SUN5: variants seen among roughly 807,000 people sequenced by gnomAD.
The protein encoded by SUN5 is SUN domain-containing protein 5.
Under a neutral mutation model 53.7 loss-of-function variants are expected in SUN5, and 44 were observed. The observed-to-expected ratio is 0.82, with a 90% confidence interval of 0.64 to 1.05. SUN5 has a LOEUF of 1.05. SUN5 is among the 50% of genes least tolerant of loss of function. SUN5 has a pLI of 0.00. For missense variants in SUN5, 433 were observed against 483.8 expected (o/e 0.90, Z 0.98); for synonymous variants, 166 against 179.8 (o/e 0.92, Z 0.62).
chr20:32,985,053 C>T (rs1555874870), intron 12 of SUN5, 46 bp downstream of exon 12: 1 of 1,592,746 alleles, frequency 6.3e-7, no homozygotes, highest in Admixed American at 1.7e-5. Context: ...AGACTGCACA[C>T]TGTGCATTCA....
chr20:33,002,067 C>T (rs150451376), intron 3 of SUN5, among the ~76,000 whole-genome samples: 1 of 152,230 alleles, frequency 6.6e-6, no homozygotes, highest in East Asian at 1.9e-4. Context: ...TCCCAGAATG[C>T]CCACTATGGA....
intron 8 of SUN5, among the ~76,000 whole-genome samples, chr20:32,995,021 C>T (rs376384691): frequency 2.0e-5 from 3 of 151,954 alleles, no homozygotes; most frequent in African/African-American, 7.3e-5. Flanking sequence ...CAGGTAATAG[C>T]GTAGGAATCA....
intron 8 of SUN5, among the ~76,000 whole-genome samples, chr20:32,992,913 G>A (rs1271132054): frequency 6.6e-6 from 1 of 152,206 alleles, no homozygotes; most frequent in Non-Finnish European, 1.5e-5. Context: ...CCAATTGCTG[G>A]TGAGAATGTG....
intron 9 of SUN5, 36 bp downstream of exon 9, chr20:32,989,584 T>C: frequency 6.3e-7 from 1 of 1,593,436 alleles, no homozygotes; most frequent in Non-Finnish European, 8.6e-7. Context: ...CCAGGACACT[T>C]GAGGCAGTCA....
At chr20:33,004,197 C>A in intron 1 of SUN5, 67 bp downstream of exon 1, 1 of 1,459,738 alleles carries the variant, frequency 6.9e-7, no homozygotes, top group East Asian at 2.6e-5. Flanking sequence ...TCTCCAAGGA[C>A]AGGGTGGAGG....
At chr20:32,986,582 G>A (rs998332551) in intron 10 of SUN5, among the ~76,000 whole-genome samples, 2 of 152,330 alleles carry the variant, frequency 1.3e-5, no homozygotes, top group African/African-American at 4.8e-5. Context: ...TGAGGAGCTG[G>A]GGCCAGGGGA....
chr20:32,991,687 C>CT (rs1204916298), intron 8 of SUN5, among the ~76,000 whole-genome samples: 5 of 152,220 alleles, frequency 3.3e-5, no homozygotes, highest in African/African-American at 1.2e-4. Flanking sequence ...TTCAGGGGCA[C>CT]TGGAGACCTA....
intron 9 of SUN5, 38 bp downstream of exon 9, chr20:32,989,582 C>A: frequency 6.3e-7 from 1 of 1,593,020 alleles, no homozygotes; most frequent in Non-Finnish European, 8.6e-7. Context: ...TCCCAGGACA[C>A]TTGAGGCAGT....
chr20:32,992,569 C>G (rs536982503), intron 8 of SUN5, among the ~76,000 whole-genome samples: 2 of 134,826 alleles, frequency 1.5e-5, no homozygotes, highest in African/African-American at 2.6e-5. Context: ...ATAGGATACC[C>G]AAAGCACTGC....
intron 3 of SUN5, among the ~76,000 whole-genome samples, chr20:33,001,853 T>C (rs927856220): frequency 2.0e-5 from 3 of 151,968 alleles, no homozygotes; most frequent in Non-Finnish European, 4.4e-5. Flanking sequence ...GGGGTTTCAC[T>C]GTATTGGCCA....
chr20:32,998,748 G>T (rs74949562), intron 5 of SUN5, among the ~76,000 whole-genome samples: 1 of 151,918 alleles, frequency 6.6e-6, no homozygotes, highest in African/African-American at 2.4e-5. Context: ...GCCAGGCGTG[G>T]TGTCTCACAC....
At chr20:32,989,725 G>T (rs754919305) in intron 8 of SUN5, 27 bp from the exon 9 acceptor site, 20 of 1,599,512 alleles carry the variant, frequency 1.3e-5, no homozygotes, top group Non-Finnish European at 1.5e-5. Context: ...CACAAGTTGT[G>T]CCCTGGTGTG....
At chr20:32,999,840 G>T in intron 5 of SUN5, 23 of 1,403,310 alleles carry the variant, frequency 1.6e-5, no homozygotes, top group Non-Finnish European at 2.2e-5. Context: ...GAAAGCGGAA[G>T]TAACAATGTT....
At chr20:32,989,839 TC>T in intron 8 of SUN5, 141 bp from the exon 9 acceptor site, 1 of 712,988 alleles carries the variant, frequency 1.4e-6, no homozygotes, top group Non-Finnish European at 2.4e-6. Flanking sequence ...AGCCTGTGGC[TC>T]TGTGAAAGCC....
At position 33,002,652 on chromosome 20, in the gene SUN5, A is replaced by T; in HGVS notation, c.146T>A (p.Ile49Asn). The T allele has an allele frequency of 6.2e-7, 1 of 1,614,194 alleles. No individual in the cohort carries two copies. Among genetic ancestry groups the T allele is most frequent in the South Asian group, 1.1e-5 (1 of 91,082 alleles). ...GTCATTGTTGCGGACAGGCAACAGGATGTTGTCATCTGCAGAGAGCACAGG... is the reference window on the plus strand; with the variant it reads ...GTCATTGTTGCGGACAGGCAACAGGTTGTTGTCATCTGCAGAGAGCACAGG... ...EDTSPNMNDNILLPVRNNDQA... is the reference protein window; with the variant it reads ...EDTSPNMNDNNLLPVRNNDQA... The change falls in exon 3 of 13, where the codon ATC (isoleucine) becomes AAC (asparagine). Residue 49 changes from isoleucine to asparagine, a missense_variant. By Grantham distance (149) the Ile-to-Asn change is moderately radical. Transcript: ENST00000356173.
At chr20:32,991,933 G>C (rs142848733) in intron 8 of SUN5, among the ~76,000 whole-genome samples, 1 of 152,214 alleles carries the variant, frequency 6.6e-6, no homozygotes, top group African/African-American at 2.4e-5. Context: ...AAACCAGGCT[G>C]CTGCGTATGG....
intron 9 of SUN5, among the ~76,000 whole-genome samples, chr20:32,989,177 G>A (rs900686750): frequency 6.6e-6 from 1 of 152,106 alleles, no homozygotes; most frequent in Non-Finnish European, 1.5e-5. Flanking sequence ...TGCCCGCCTT[G>A]GCCTCCCAAA....
intron 9 of SUN5, among the ~76,000 whole-genome samples, chr20:32,989,142 G>A (rs1989632813): frequency 1.3e-5 from 2 of 151,220 alleles, no homozygotes; most frequent in African/African-American, 4.9e-5. Context: ...AGCCAGGATG[G>A]TCTCGATCTC....
At chr20:32,989,742 C>T (rs367996790) in intron 8 of SUN5, 44 bp from the exon 9 acceptor site, 61 of 1,559,136 alleles carry the variant, frequency 3.9e-5, no homozygotes, top group Admixed American at 1.3e-4. Flanking sequence ...TGTGTTGTCA[C>T]GGACTGTGAT....
Sources: allele counts gnomAD v4.1 joint callset (sites outside exome capture counted in the v4.1 genomes callset), GRCh38; gene constraint gnomAD v4.1.1; transcripts MANE v1.5; gene names NCBI Gene and HGNC (gene_info 2026-07-23, HGNC 2026-07-21).